STXBP5L: variants seen among roughly 807,000 people sequenced by gnomAD.
The protein encoded by STXBP5L is syntaxin-binding protein 5-like.
Under a neutral mutation model 144.5 loss-of-function variants are expected in STXBP5L, and 65 were observed. The ratio of observed to expected loss-of-function variants is 0.45; its 90% confidence interval spans 0.37 to 0.55. The LOEUF (loss-of-function observed/expected upper bound fraction) is 0.55, where lower values mean the gene tolerates loss of function less well. Ranked by LOEUF, STXBP5L falls within the 20% of genes least tolerant of loss-of-function variation. The pLI, the probability that STXBP5L is intolerant of heterozygous loss-of-function variation, is 0.00. For synonymous variants in STXBP5L, 505 were observed against 469.6 expected (o/e 1.08, Z -0.97); for missense variants, 1,298 against 1,405.5 (o/e 0.92, Z 1.22).
chr3:120,948,441 G>A (rs1618840), intron 2 of STXBP5L, among the ~76,000 whole-genome samples: 43 of 151,688 alleles, frequency 2.8e-4, no homozygotes, highest in African/African-American at 1.0e-3. Flanking sequence ...TTGGGGAACA[G>A]GTGGTTTTTG....
intron 3 of STXBP5L, among the ~76,000 whole-genome samples, chr3:120,993,070 G>T (rs888734880): frequency 2.0e-5 from 3 of 152,060 alleles, no homozygotes; most frequent in Non-Finnish European, 4.4e-5. Flanking sequence ...AGCATTTTTC[G>T]TGTGCCTTTT....
chr3:121,192,808 T>A (rs533876641), intron 9 of STXBP5L, among the ~76,000 whole-genome samples: 1 of 152,244 alleles, frequency 6.6e-6, no homozygotes, highest in African/African-American at 2.4e-5. Context: ...TTACACTTTA[T>A]ACAAAAATTA....
chr3:121,099,513 C>G (rs776058962), intron 5 of STXBP5L: 1 of 152,456 alleles, frequency 6.6e-6, no homozygotes, highest in African/African-American at 2.4e-5. Flanking sequence ...AAGAATGAAT[C>G]AGGAAGAAAT....
intron 3 of STXBP5L, among the ~76,000 whole-genome samples, chr3:120,998,604 C>T (rs961162567): frequency 2.0e-5 from 3 of 152,100 alleles, no homozygotes; most frequent in Non-Finnish European, 4.4e-5. Flanking sequence ...TATTGTTCAA[C>T]TCCTAATTAG....
intron 3 of STXBP5L, among the ~76,000 whole-genome samples, chr3:121,009,851 T>A (rs1944638281): frequency 6.6e-6 from 1 of 151,914 alleles, no homozygotes; most frequent in African/African-American, 2.4e-5. Context: ...AATTTCTTTT[T>A]GAATGATGAA....
At chr3:121,274,631 T>C (rs895384247) in intron 18 of STXBP5L, among the ~76,000 whole-genome samples, 5 of 152,232 alleles carry the variant, frequency 3.3e-5, no homozygotes, top group South Asian at 2.1e-4. Flanking sequence ...GCCAGGGCTC[T>C]GTGGTCAGAG....
chr3:121,188,483 C>G (rs1343176063), intron 9 of STXBP5L, among the ~76,000 whole-genome samples: 1 of 135,902 alleles, frequency 7.4e-6, no homozygotes, highest in South Asian at 2.7e-4. Context: ...CATACCAAAG[C>G]CTGGTAGAGA....
At chr3:121,369,396 T>C (rs1347689123) in intron 20 of STXBP5L, among the ~76,000 whole-genome samples, 1 of 152,096 alleles carries the variant, frequency 6.6e-6, no homozygotes, top group Non-Finnish European at 1.5e-5. Flanking sequence ...TTTTCAGGTA[T>C]TGTTTTCCTG....
intron 9 of STXBP5L, among the ~76,000 whole-genome samples, chr3:121,197,626 G>A (rs1251255505): frequency 6.6e-6 from 1 of 151,980 alleles, no homozygotes; most frequent in African/African-American, 2.4e-5. Context: ...CATGCATTAG[G>A]TATTTGTCTT....
chr3:121,280,686 A>C (rs187638312), intron 19 of STXBP5L, among the ~76,000 whole-genome samples: 2 of 152,002 alleles, frequency 1.3e-5, no homozygotes, highest in Admixed American at 1.3e-4. Context: ...TTTTCTGTCC[A>C]TTGACAGTCC....
chr3:121,100,924 C>T (rs985577881), intron 5 of STXBP5L, among the ~76,000 whole-genome samples: 1 of 151,856 alleles, frequency 6.6e-6, no homozygotes, highest in African/African-American at 2.4e-5. Context: ...ATAACTGATC[C>T]CACAAAAACA....
intron 7 of STXBP5L, among the ~76,000 whole-genome samples, chr3:121,130,527 A>T (rs532343795): frequency 1.3e-5 from 2 of 152,202 alleles, no homozygotes; most frequent in South Asian, 4.1e-4. Flanking sequence ...TTGGAAGGAA[A>T]TACCTAAAAC....
At chr3:121,414,744 T>C (rs2047194298) in intron 24 of STXBP5L, among the ~76,000 whole-genome samples, 1 of 152,176 alleles carries the variant, frequency 6.6e-6, no homozygotes, top group Non-Finnish European at 1.5e-5. Context: ...TGCAGCCCCT[T>C]GTAAGCTACC....
At chr3:121,265,837 T>A (rs1040605207) in intron 18 of STXBP5L, among the ~76,000 whole-genome samples, 2 of 152,000 alleles carry the variant, frequency 1.3e-5, no homozygotes, top group African/African-American at 4.8e-5. Context: ...GAGAATACTA[T>A]AAACTAGTAT....
intron 3 of STXBP5L, among the ~76,000 whole-genome samples, chr3:120,977,596 G>A (rs943747540): frequency 1.3e-5 from 2 of 152,100 alleles, no homozygotes; most frequent in Non-Finnish European, 1.5e-5. Flanking sequence ...TATGATGTTA[G>A]CTGGTTATTT....
chr3:120,916,448 C>T (rs965917772), intron 2 of STXBP5L, among the ~76,000 whole-genome samples: 1 of 151,868 alleles, frequency 6.6e-6, no homozygotes, highest in African/African-American at 2.4e-5. Context: ...TTACAGGCGC[C>T]CACCACCACG....
chr3:121,313,637 C>T (rs1225501605), intron 19 of STXBP5L, among the ~76,000 whole-genome samples: 3 of 69,932 alleles, frequency 4.3e-5, no homozygotes, highest in Admixed American at 1.3e-4. Flanking sequence ...CCGGACGGGG[C>T]GGCTGGCCGG....
chr3:121,405,488 A>G (rs1256011178), intron 22 of STXBP5L, among the ~76,000 whole-genome samples: 2 of 152,098 alleles, frequency 1.3e-5, no homozygotes, highest in Admixed American at 6.6e-5. Flanking sequence ...AATGTACTTG[A>G]TACTGTATGT....
chr3:121,148,303 T>C (rs573558317), intron 7 of STXBP5L, among the ~76,000 whole-genome samples: 3 of 152,216 alleles, frequency 2.0e-5, no homozygotes, highest in Admixed American at 2.0e-4. Flanking sequence ...ACAACCAATT[T>C]ATGCTCCCCC....
Sources: allele counts gnomAD v4.1 joint callset (sites outside exome capture counted in the v4.1 genomes callset), GRCh38; gene constraint gnomAD v4.1.1; transcripts MANE v1.5; gene names NCBI Gene and HGNC (gene_info 2026-07-23, HGNC 2026-07-21).